PDZD8: variants seen among roughly 807,000 people sequenced by gnomAD.
PDZD8 encodes PDZ domain containing 8.
A neutral mutation model predicts 85.8 loss-of-function variants in PDZD8; 14 were observed. The ratio of observed to expected loss-of-function variants is 0.16; its 90% CI spans 0.11 to 0.26. The LOEUF is 0.26. Among genes scored for constraint, PDZD8 ranks in the 10% least tolerant of loss-of-function variants. The probability of loss-of-function intolerance (pLI) is 1.00; values close to 1 mark genes in which losing one functional copy is unlikely to be tolerated. For missense variants in PDZD8, 1,197 were observed against 1,424.3 expected (o/e 0.84, Z 2.57); for synonymous variants, 592 against 568.6 (o/e 1.04, Z -0.59).
intron 2 of PDZD8, among the ~76,000 whole-genome samples, chr10:117,337,575 T>C (rs939468852): frequency 3.3e-5 from 5 of 152,216 alleles, no homozygotes. Context: ...CCCTTTACAA[T>C]ATGAGACCTT....
intron 1 of PDZD8, among the ~76,000 whole-genome samples, chr10:117,362,206 A>C (rs1443977285): frequency 6.6e-6 from 1 of 152,172 alleles, no homozygotes; most frequent in Non-Finnish European, 1.5e-5. Context: ...AAAGGAAAAT[A>C]TTTATTGGGT....
rs74159184 is a variant in PDZD8 at position 117,352,974 on chromosome 10, C to T, written c.873-11872G>A. On this transcript the variant is annotated intron_variant, in intron 1 of 4. Transcript: ENST00000334464. Reference sequence around the variant, plus strand: ...AGGGGGCTGAAGCTGTCCTCCTGTGCGCCAAATTGCTTCTGGGTGGAGCCA... The same window carrying T: ...AGGGGGCTGAAGCTGTCCTCCTGTGTGCCAAATTGCTTCTGGGTGGAGCCA... 2.2e-3 allele frequency among the ~76,000 whole-genome samples: 332 copies of T among 152,098 alleles called. 2 individuals are homozygous for T. The highest frequency in any genetic ancestry group is 7.7e-3 in the African/African-American group (318 of 41,518).
At chr10:117,359,385 CA>C (rs1844956288) in intron 1 of PDZD8, among the ~76,000 whole-genome samples, 1 of 151,798 alleles carries the variant, frequency 6.6e-6, no homozygotes, top group Non-Finnish European at 1.5e-5. Context: ...CACTACACTC[CA>C]GCCTGGGTGA....
rs747884937 is a variant in PDZD8 at position 117,374,710 on chromosome 10, T to G, written c.518A>C (p.Glu173Ala). ...CGCCTCCCCTTCAGGGCCATCGGGCTCCCCGGTGGCCGAGGGCACGACTGG... is the reference window on the plus strand; with the variant it reads ...CGCCTCCCCTTCAGGGCCATCGGGCGCCCCGGTGGCCGAGGGCACGACTGG... ...VRPVVPSATG[E>A]PDGPEGEALP... is the part of the protein sequence containing the mutation. The change falls in exon 1 of 5, where the codon GAG becomes GCG. Residue 173 changes from glutamate to alanine, a missense_variant. Glu to Ala is a moderately radical substitution (Grantham distance 107, BLOSUM62 -1). This residue lies in a region of PDZD8 where 344 missense variants were observed against 453.6 expected (regional missense o/e 0.76). Coordinates refer to ENST00000334464, the MANE Select transcript of PDZD8 (RefSeq NM_173791.5). This position sits in a 1 kb window ranked among gnomAD's most constrained non-coding sequence, Gnocchi z 7.8. 69 of 1,606,678 alleles carry G rather than the reference T, an allele frequency of 4.3e-5. 2 individuals are homozygous for G. In the Middle Eastern group the frequency reaches 4.5e-3, roughly 104 times the overall value.
chr10:117,341,047 G>A lies in PDZD8; in HGVS notation c.928C>T (p.His310Tyr), dbSNP rs1564705802. 7 of 1,613,556 alleles carry A rather than the reference G, an allele frequency of 4.3e-6. No homozygotes were observed. Among genetic ancestry groups the A allele is most frequent in the Non-Finnish European group, 5.9e-6 (7 of 1,179,568 alleles). Reference protein sequence around the residue: ...TLQGFEEDEEHIHIQQWALTE... With the variant: ...TLQGFEEDEEYIHIQQWALTE... ...AGTGCCCATTGTTGTATATGGATAT[G>A]CTCTTCATCTTCTTCAAATCCTTGC... Residue 310 changes from histidine to tyrosine, a missense_variant, in exon 2 of 5, where the codon CAT becomes TAT. Transcript: ENST00000334464.
At chr10:117,328,360 T>C (rs7069306) in intron 2 of PDZD8, among the ~76,000 whole-genome samples, 3,366 of 152,186 alleles carry the variant, frequency 0.022, 109 homozygotes, top group African/African-American at 0.074. Context: ...AGAATTACAA[T>C]ATTCCCCCCT....
At chr10:117,296,719 T>C (rs893920644) in intron 3 of PDZD8, among the ~76,000 whole-genome samples, 1 of 152,080 alleles carries the variant, frequency 6.6e-6, no homozygotes, top group African/African-American at 2.4e-5. Flanking sequence ...AAGGGTATAC[T>C]GAGACAAGTA....
At chr10:117,346,655 A>G (rs1844713823) in intron 1 of PDZD8, among the ~76,000 whole-genome samples, 1 of 152,136 alleles carries the variant, frequency 6.6e-6, no homozygotes, top group African/African-American at 2.4e-5. Flanking sequence ...TTTTATATGT[A>G]AATGCCAGCA....
In PDZD8 at chr10:117,292,592, T is replaced by G. The variant is rs1589997800; in HGVS notation, c.1099-2244A>C. On this transcript the variant is annotated intron_variant, in intron 3 of 4. Coordinates refer to ENST00000334464, the MANE Select transcript of PDZD8 (RefSeq NM_173791.5). ...ATTTGGAATGTGTTTTTTTTTTTTG[T>G]TATTTACTCTGCTTTTAAAAGTAGA... is the stretch of plus-strand genomic sequence containing the variant. 2.7e-5 allele frequency among the ~76,000 whole-genome samples: 4 copies of G among 147,810 alleles called. No homozygotes were observed. The East Asian group carries it at 7.8e-4, about 29-fold the overall frequency.
At position 117,279,202 on chromosome 10, in the gene PDZD8, T is replaced by C. The variant is rs1338030970; in HGVS notation, c.*4066A>G. 1 of 152,228 alleles carries C rather than the reference T, an allele frequency of 6.6e-6. No individual in the cohort carries two copies. The highest frequency in any genetic ancestry group is 1.5e-5 in the Non-Finnish European group (1 of 68,040). The allele number at this position is 152,228 out of a possible 1,614,324, so 9.4% of individuals were successfully genotyped here. ...AAGTTCTTTTATATGACTAATATTC[T>C]TGGTTAGCAAGACTGGAAAGAGGTG... is the stretch of plus-strand genomic sequence containing the variant. On this transcript the variant is annotated 3_prime_UTR_variant, in exon 5 of 5. Transcript: ENST00000334464.
chr10:117,346,912 T>C (rs1844718890), intron 1 of PDZD8, among the ~76,000 whole-genome samples: 1 of 152,100 alleles, frequency 6.6e-6, no homozygotes, highest in African/African-American at 2.4e-5. Context: ...CTGAGCCCTA[T>C]GTATATCAAT....
intron 3 of PDZD8, among the ~76,000 whole-genome samples, chr10:117,295,587 A>G (rs530257708): frequency 6.6e-6 from 1 of 152,324 alleles, no homozygotes; most frequent in Non-Finnish European, 1.5e-5. Context: ...CAAACATAAA[A>G]CAAGAAAACA....
At chr10:117,302,578 G>A (rs1249838202) in intron 3 of PDZD8, among the ~76,000 whole-genome samples, 2 of 152,116 alleles carry the variant, frequency 1.3e-5, no homozygotes, top group Admixed American at 1.3e-4. Flanking sequence ...CTCAACTAAG[G>A]AGAAATGCTG....
At chr10:117,303,959 G>A (rs192984337) in intron 3 of PDZD8, among the ~76,000 whole-genome samples, 99 of 152,350 alleles carry the variant, frequency 6.5e-4, no homozygotes, top group African/African-American at 2.0e-3. Context: ...AGGGAAATGT[G>A]GGGTCAGAGC....
At chr10:117,326,540 A>G (rs1381488570) in intron 2 of PDZD8, among the ~76,000 whole-genome samples, 2 of 152,184 alleles carry the variant, frequency 1.3e-5, no homozygotes, top group African/African-American at 2.4e-5. Context: ...AAATTCCACA[A>G]TCAAACAGCT....
intron 3 of PDZD8, among the ~76,000 whole-genome samples, chr10:117,291,306 G>A (rs899521584): frequency 8.6e-5 from 13 of 151,798 alleles, no homozygotes; most frequent in African/African-American, 3.1e-4. Context: ...CGAGGTGGGC[G>A]GATCAGGAGG....
intron 1 of PDZD8, among the ~76,000 whole-genome samples, chr10:117,354,987 C>A (rs911635833): frequency 6.6e-6 from 1 of 152,114 alleles, no homozygotes; most frequent in African/African-American, 2.4e-5. Context: ...AACTATGGCA[C>A]GCTAATACAA....
intron 3 of PDZD8, among the ~76,000 whole-genome samples, chr10:117,306,688 A>T (rs12778606): frequency 0.2 from 30,993 of 151,414 alleles, 4,243 homozygotes; most frequent in Non-Finnish European, 0.31. Flanking sequence ...GTTTTTTTTT[A>T]AAAAATTACT....
intron 3 of PDZD8, among the ~76,000 whole-genome samples, chr10:117,302,202 C>T (rs1843858964): frequency 6.6e-6 from 1 of 152,206 alleles, no homozygotes; most frequent in Non-Finnish European, 1.5e-5. Context: ...CCCTCAACTA[C>T]TTGGAAACAA....
Sources: allele counts gnomAD v4.1 joint callset (sites outside exome capture counted in the v4.1 genomes callset), GRCh38; gene constraint gnomAD v4.1.1; regional missense constraint gnomAD v4.1.1; non-coding constraint Gnocchi (gnomAD v3.1); transcripts MANE v1.5; gene names NCBI Gene and HGNC (gene_info 2026-07-23, HGNC 2026-07-21).